EXOC5: variants seen among roughly 807,000 people sequenced by gnomAD.
EXOC5 encodes exocyst complex component 5.
A neutral mutation model predicts 90.8 loss-of-function variants in EXOC5; 17 were observed. The ratio of observed to expected loss-of-function variants is 0.19; its 90% CI spans 0.13 to 0.28. The LOEUF is 0.28. Ranked by LOEUF, EXOC5 falls within the 10% of genes least tolerant of loss-of-function variation. EXOC5 has a pLI of 1.00. For missense variants in EXOC5, 569 were observed against 830.6 expected (o/e 0.69, Z 3.87); for synonymous variants, 260 against 270.0 (o/e 0.96, Z 0.36).
chr14:57,220,211 CT>C (rs1047285364), intron 13 of EXOC5, among the ~76,000 whole-genome samples: 22 of 151,708 alleles, frequency 1.5e-4, no homozygotes, highest in African/African-American at 4.1e-4. Flanking sequence ...TCCGCCCCCC[CT>C]GCCCCCGCAA....
chr14:57,233,916 T>A (rs1360389028), intron 8 of EXOC5, 33 bp from the exon 9 acceptor site: 1 of 1,601,344 alleles, frequency 6.2e-7, no homozygotes, highest in Admixed American at 1.7e-5. Flanking sequence ...ACAGTGAACA[T>A]ATAATTTCTA....
intron 1 of EXOC5, among the ~76,000 whole-genome samples, chr14:57,249,544 C>G (rs960932020): frequency 2.6e-5 from 4 of 151,850 alleles, no homozygotes; most frequent in African/African-American, 9.7e-5. Context: ...ATATAGTATT[C>G]CTTCATTCAG....
chr14:57,232,434 C>T (rs1027601391), intron 10 of EXOC5: 5 of 289,756 alleles, frequency 1.7e-5, no homozygotes, highest in South Asian at 1.6e-4. Context: ...AATGTAATTA[C>T]ACTAATGCTT....
chr14:57,217,202 C>T (rs1308354209), intron 15 of EXOC5, among the ~76,000 whole-genome samples: 1 of 152,124 alleles, frequency 6.6e-6, no homozygotes, highest in Non-Finnish European at 1.5e-5. Context: ...TACAGAAATT[C>T]CTCAAAAACT....
At position 57,202,056 on chromosome 14, in the gene EXOC5, G is replaced by A. The variant is rs1353600331; in HGVS notation, c.*6553C>T. 1 of 152,092 alleles carries A rather than the reference G, an allele frequency of 6.6e-6. No individual in the cohort carries two copies. The highest frequency in any genetic ancestry group is 1.5e-5 in the Non-Finnish European group (1 of 68,018). The allele number at this position is 152,092 out of a possible 1,614,324, so 9.4% of individuals were successfully genotyped here. A position where few individuals can be genotyped will look rare whatever the true frequency, so the allele number is the denominator to read the frequency against. Reference sequence around the variant, plus strand: ...ATCAGAAATGGGGCAAATTGAAATTGTGTACTATGTGATAGGATGCAACAA... The same window carrying A: ...ATCAGAAATGGGGCAAATTGAAATTATGTACTATGTGATAGGATGCAACAA... On this transcript the variant is annotated 3_prime_UTR_variant, in exon 18 of 18. Transcript: ENST00000621441.
intron 1 of EXOC5, among the ~76,000 whole-genome samples, chr14:57,257,757 C>T (rs181927541): frequency 2.6e-5 from 4 of 152,228 alleles, no homozygotes; most frequent in Admixed American, 6.5e-5. Context: ...CTTTCTAATA[C>T]TTTATCTTGC....
At chr14:57,246,604 T>G (rs1338742632) in intron 3 of EXOC5, 107 bp downstream of exon 3, 1 of 947,282 alleles carries the variant, frequency 1.1e-6, no homozygotes, top group Non-Finnish European at 1.6e-6. Flanking sequence ...GAAAGAAATC[T>G]TGACAGTTAC....
chr14:57,217,543 A>C (rs1487167321), intron 15 of EXOC5, among the ~76,000 whole-genome samples: 1 of 152,050 alleles, frequency 6.6e-6, no homozygotes, highest in Non-Finnish European at 1.5e-5. Context: ...AAGACAGTGA[A>C]CCTAATTGAC....
At chr14:57,252,803 T>A (rs917240821) in intron 1 of EXOC5, among the ~76,000 whole-genome samples, 7 of 151,816 alleles carry the variant, frequency 4.6e-5, no homozygotes, top group African/African-American at 1.7e-4. Context: ...CCAAAGGAAA[T>A]GAAATCAGTA....
chr14:57,215,985 G>C (rs1882959789), intron 15 of EXOC5, among the ~76,000 whole-genome samples: 1 of 151,906 alleles, frequency 6.6e-6, no homozygotes, highest in South Asian at 2.1e-4. Flanking sequence ...TTGCAAGACA[G>C]AAAATCATCA....
At chr14:57,262,737 A>G (rs1884551378) in intron 1 of EXOC5, among the ~76,000 whole-genome samples, 1 of 148,862 alleles carries the variant, frequency 6.7e-6, no homozygotes, top group Non-Finnish European at 1.5e-5. Flanking sequence ...ATATACGTAT[A>G]TATGTGTGTG....
At chr14:57,212,331 G>C (rs1882853732) in intron 15 of EXOC5, among the ~76,000 whole-genome samples, 2 of 152,186 alleles carry the variant, frequency 1.3e-5, no homozygotes, top group Admixed American at 6.5e-5. Flanking sequence ...TAAGCCACTA[G>C]TACAAAATGT....
At chr14:57,213,429 C>G (rs973373773) in intron 15 of EXOC5, among the ~76,000 whole-genome samples, 3 of 151,448 alleles carry the variant, frequency 2.0e-5, no homozygotes, top group Non-Finnish European at 1.5e-5. Context: ...TTTTTTGAGA[C>G]ACAGTTCTGC....
At chr14:57,216,359 T>C (rs1392836917) in intron 15 of EXOC5, among the ~76,000 whole-genome samples, 5 of 151,402 alleles carry the variant, frequency 3.3e-5, no homozygotes, top group Non-Finnish European at 4.4e-5. Flanking sequence ...AGAACAAAAC[T>C]GGAAGCATCG....
intron 1 of EXOC5, among the ~76,000 whole-genome samples, chr14:57,262,108 G>A (rs1213205431): frequency 6.6e-6 from 1 of 152,084 alleles, no homozygotes; most frequent in Non-Finnish European, 1.5e-5. Context: ...AGGCTGAAGT[G>A]TTCCCTCCCT....
intron 4 of EXOC5, 30 bp from the exon 5 acceptor site, chr14:57,239,689 T>A (rs748741963): frequency 2.7e-5 from 38 of 1,388,862 alleles, no homozygotes; most frequent in Non-Finnish European, 3.4e-5. Context: ...AGCAATAATT[T>A]AAAAAACTTT....
At chr14:57,243,176 A>C (rs529381254) in intron 4 of EXOC5, 1 of 152,314 alleles carries the variant, frequency 6.6e-6, no homozygotes, top group South Asian at 2.1e-4. Context: ...CAGGTACACT[A>C]AAATCTCAGA....
At chr14:57,238,489 T>C (rs1213403034) in intron 5 of EXOC5, among the ~76,000 whole-genome samples, 1 of 151,148 alleles carries the variant, frequency 6.6e-6, no homozygotes, top group Non-Finnish European at 1.5e-5. Flanking sequence ...GGTAGGGGGA[T>C]GCAGTCAATA....
At chr14:57,255,596 C>T (rs996698010) in intron 1 of EXOC5, among the ~76,000 whole-genome samples, 6 of 152,144 alleles carry the variant, frequency 3.9e-5, no homozygotes, top group Admixed American at 2.0e-4. Context: ...ATGCACTGAT[C>T]GGGTGTGGTG....
Sources: allele counts gnomAD v4.1 joint callset (sites outside exome capture counted in the v4.1 genomes callset), GRCh38; gene constraint gnomAD v4.1.1; transcripts MANE v1.5; gene names NCBI Gene and HGNC (gene_info 2026-07-23, HGNC 2026-07-21).